The following TBC1D9 variants were observed in gnomAD, a reference collection of about 807,000 sequenced individuals.
The protein encoded by TBC1D9 is TBC1 domain family member 9A.
In TBC1D9, 63 loss-of-function variants were observed where a neutral mutation model predicts 132.0. That is an observed-to-expected ratio of 0.48 (90% CI 0.39 to 0.59). The LOEUF is 0.59. Ranked by LOEUF, TBC1D9 falls within the 20% of genes least tolerant of loss-of-function variation. TBC1D9 has a pLI of 0.00. For synonymous variants in TBC1D9, 610 were observed against 609.9 expected (o/e 1.00, Z 0.00); for missense variants, 1,261 against 1,592.7 (o/e 0.79, Z 3.54).
intron 1 of TBC1D9, among the ~76,000 whole-genome samples, chr4:140,732,691 T>TGTACCAAG (rs1329689077): frequency 2.6e-5 from 4 of 152,204 alleles, no homozygotes; most frequent in African/African-American, 9.6e-5. Flanking sequence ...CACAGCTGTC[T>TGTACCAAG]GTACCAAGGA....
chr4:140,702,005 GAGA>G (rs1319873286), intron 1 of TBC1D9, among the ~76,000 whole-genome samples: 2 of 152,214 alleles, frequency 1.3e-5, no homozygotes, highest in African/African-American at 4.8e-5. Flanking sequence ...TCATCAAGTG[GAGA>G]AGAAGGTCAG....
intron 3 of TBC1D9, among the ~76,000 whole-genome samples, chr4:140,685,688 T>G (rs1391741648): frequency 3.3e-5 from 5 of 152,186 alleles, no homozygotes; most frequent in African/African-American, 1.2e-4. Flanking sequence ...TAATGTTAAA[T>G]TTACATATAA....
intron 13 of TBC1D9, chr4:140,644,590 C>T (rs1248839543): frequency 9.3e-6 from 3 of 322,374 alleles, no homozygotes; most frequent in East Asian, 1.2e-4. Flanking sequence ...ACTTCTCCTC[C>T]ATCTCTGCCT....
At chr4:140,709,248 T>TCTCTCTCTCTCA (rs1382500714) in intron 1 of TBC1D9, among the ~76,000 whole-genome samples, 28 of 104,192 alleles carry the variant, frequency 2.7e-4, no homozygotes, top group African/African-American at 1.2e-3. Flanking sequence ...TCTCTCTCTC[T>TCTCTCTCTCTCA]CACACACACA....
Position 140,641,090 on chromosome 4 carries a change from C to CAAAAAAAAAAAAAAAAAAA in TBC1D9, c.2338-1663_2338-1662insTTTTTTTTTTTTTTTTTTT, listed in dbSNP as rs35813378. ...TAAATCTTACAATCATAATACTAAG[C>CAAAAAAAAAAAAAAAAAAA]AAAAAAAAAAAAAACAAAAAAAAAC... On this transcript the variant is annotated intron_variant, in intron 13 of 20. Transcript: ENST00000442267. Among the ~76,000 whole-genome samples the CAAAAAAAAAAAAAAAAAAA allele has an allele frequency of 2.6e-3, 91 of 35,006 alleles. 1 individual carries two copies. The highest frequency in any genetic ancestry group is 4.6e-3 in the East Asian group (5 of 1,092). The allele number at this position is 35,006 out of a possible 152,430, so 23.0% of individuals were successfully genotyped here.
At position 140,756,161 on chromosome 4, in the gene TBC1D9, TGCGGCG is replaced by T. The variant is rs1011715235; in HGVS notation, c.-122_-117del. The T allele has an allele frequency of 1.6e-5, 13 of 822,300 alleles. No individual in the cohort carries two copies. Among genetic ancestry groups the T allele is most frequent in the African/African-American group, 1.5e-4 (8 of 55,170 alleles). 50.9% of individuals were successfully genotyped at this position (822,300 alleles called of 1,614,324 possible). ...CGCGCCCGCCCGCCCGTCCGCTAGGTGCGGCGGCGGCGGCGGCAGGCGACTTCAGGG... is the reference window on the plus strand; with the variant it reads ...CGCGCCCGCCCGCCCGTCCGCTAGGTGCGGCGGCGGCAGGCGACTTCAGGG... On this transcript the variant is annotated 5_prime_UTR_variant, in exon 1 of 21. Coordinates refer to ENST00000442267, the MANE Select transcript of TBC1D9 (RefSeq NM_015130.3). The surrounding 1 kb of genome is among the most constrained non-coding windows in gnomAD (Gnocchi z 5.6).
At chr4:140,719,156 AAATAAAAG>A (rs1423754700) in intron 1 of TBC1D9, among the ~76,000 whole-genome samples, 17 of 130,954 alleles carry the variant, frequency 1.3e-4, no homozygotes, top group African/African-American at 3.4e-4. Flanking sequence ...ATAAATAAAT[AAATAAAAG>A]AAAGTGGATT....
intron 1 of TBC1D9, among the ~76,000 whole-genome samples, chr4:140,742,531 CAAAAAAA>C (rs35891616): frequency 1.6e-5 from 1 of 63,448 alleles, no homozygotes; most frequent in Non-Finnish European, 2.9e-5. Context: ...GACTCTGTCT[CAAAAAAA>C]AAAAAAAAAA....
At chr4:140,736,738 G>A (rs1236355393) in intron 1 of TBC1D9, among the ~76,000 whole-genome samples, 1 of 152,124 alleles carries the variant, frequency 6.6e-6, no homozygotes, top group African/African-American at 2.4e-5. Flanking sequence ...AGCAGAGTAT[G>A]ATCTGTAGGG....
At chr4:140,698,045 C>T (rs923733585) in intron 2 of TBC1D9, among the ~76,000 whole-genome samples, 24 of 152,168 alleles carry the variant, frequency 1.6e-4, no homozygotes, top group Admixed American at 1.4e-3. Context: ...GGTTTGGTGG[C>T]TCTCCCTAAC....
At chr4:140,741,955 T>C (rs1738764770) in intron 1 of TBC1D9, among the ~76,000 whole-genome samples, 1 of 152,190 alleles carries the variant, frequency 6.6e-6, no homozygotes, top group Admixed American at 6.5e-5. Context: ...TGAGTTGTCC[T>C]ACCTTTCCAG....
chr4:140,755,016 C>T (rs140193750), intron 1 of TBC1D9, among the ~76,000 whole-genome samples: 208 of 152,282 alleles, frequency 1.4e-3, no homozygotes, highest in Non-Finnish European at 2.5e-3. Flanking sequence ...TGAGGAGGGT[C>T]AAAGTTCATC....
At chr4:140,698,749 G>T (rs967691262) in intron 2 of TBC1D9, among the ~76,000 whole-genome samples, 8 of 151,016 alleles carry the variant, frequency 5.3e-5, no homozygotes, top group Non-Finnish European at 1.2e-4. Flanking sequence ...GGGGTGGGGG[G>T]GGGAAAGACA....
rs1737293443 is a variant in TBC1D9 at position 140,657,637 on chromosome 4, G to C, written c.2097C>G (p.Phe699Leu). ...GGAATATCACTTTAATTCCTTCATAGAAGAAACAGTCAACAACCACAACTG... is the reference window on the plus strand; with the variant it reads ...GGAATATCACTTTAATTCCTTCATACAAGAAACAGTCAACAACCACAACTG... ...ESAVVVVDCFFYEGIKVIFQL... is the reference protein window; with the variant it reads ...ESAVVVVDCFLYEGIKVIFQL... Residue 699 changes from phenylalanine (F) to leucine (L), a missense_variant, in exon 12 of 21, where the codon TTC (phenylalanine) becomes TTG (leucine). By Grantham distance (22) the Phe-to-Leu change is conservative. Around this residue, in one of 3 missense-constraint regions of TBC1D9, gnomAD observed 618 missense variants for 724.4 expected, o/e 0.85. Transcript: ENST00000442267. The C allele has an allele frequency of 6.2e-7, 1 of 1,613,960 alleles. No individual in the cohort carries two copies.
In TBC1D9 at chr4:140,701,564, C is replaced by T. The variant is rs779266798; in HGVS notation, c.181G>A (p.Ala61Thr). 5.0e-6 allele frequency: 8 copies of T among 1,613,788 alleles called. No homozygotes were observed. Among genetic ancestry groups the T allele is most frequent in the South Asian group, 2.2e-5 (2 of 91,078 alleles). The stretch of plus-strand genomic sequence containing the variant: ...GTCTGGTACAAGATTCGGTAAGGAG[C>T]GACCCGGGCGCTGGAGTCCAACACA... Reference protein sequence around the residue: ...DVVLDSSARVAPYRILYQTPD... With the variant: ...DVVLDSSARVTPYRILYQTPD... Residue 61 changes from alanine to threonine, a missense_variant, in exon 2 of 21, where the codon GCT becomes ACT. This residue lies in a region of TBC1D9 where 550 missense variants were observed against 699.0 expected (regional missense o/e 0.79). Coordinates refer to ENST00000442267, the MANE Select transcript of TBC1D9 (RefSeq NM_015130.3).
At chr4:140,728,642 C>G (rs1738536533) in intron 1 of TBC1D9, among the ~76,000 whole-genome samples, 1 of 151,878 alleles carries the variant, frequency 6.6e-6, no homozygotes, top group Non-Finnish European at 1.5e-5. Context: ...GCTGGGATTA[C>G]AGGTACGTGC....
intron 16 of TBC1D9, among the ~76,000 whole-genome samples, chr4:140,631,771 A>G (rs1736798139): frequency 1.3e-5 from 2 of 151,412 alleles, no homozygotes; most frequent in South Asian, 2.1e-4. Flanking sequence ...TAATTTTTGT[A>G]TTTTTAGTAG....
chr4:140,622,382 A>G lies in TBC1D9; in HGVS notation c.3614T>C (p.Leu1205Pro), dbSNP rs1050049916. ...GAAGGTGATGGCCCAGTCCCGGTCC[A>G]GGCTGGTGCTCCGGGGCAGTGCCGC... ...GTAALPRSTS[L>P]DRDWAITFEQ... Residue 1205 changes from leucine (L) to proline (P), a missense_variant, in exon 21 of 21, where the codon CTG (leucine) becomes CCG (proline). By Grantham distance (98) the Leu-to-Pro change is moderately conservative (BLOSUM62 -3). Around this residue, in one of 3 missense-constraint regions of TBC1D9, gnomAD observed 618 missense variants for 724.4 expected, o/e 0.85. Coordinates refer to ENST00000442267, the MANE Select transcript of TBC1D9 (RefSeq NM_015130.3). 2.5e-6 allele frequency: 4 copies of G among 1,612,948 alleles called. No homozygotes were observed. The African/African-American group carries it at 5.3e-5, about 22-fold the overall frequency.
At position 140,659,268 on chromosome 4, in the gene TBC1D9, A is replaced by AT. The variant is rs895931579; in HGVS notation, c.1921+319dup. ...TCGTAGGTTCCCATCCTCTTTATTA[A>AT]TTTTTTTTATCAAATCTCTTTGTGT... is the stretch of plus-strand genomic sequence containing the variant. On this transcript the variant is annotated intron_variant, in intron 11 of 20. Coordinates refer to ENST00000442267, the MANE Select transcript of TBC1D9 (RefSeq NM_015130.3). 2.6e-4 allele frequency: 48 copies of AT among 184,222 alleles called. 1 individual carries two copies. Among genetic ancestry groups the AT allele is most frequent in the Non-Finnish European group, 2.0e-4 (18 of 89,866 alleles). The allele number at this position is 184,222 out of a possible 1,614,324, so 11.4% of individuals were successfully genotyped here.
Sources: gnomAD v4.1 joint callset for allele counts (sites outside exome capture counted in the v4.1 genomes callset) on GRCh38, gnomAD v4.1.1 for gene constraint, gnomAD v4.1.1 regional missense constraint, Gnocchi (gnomAD v3.1) non-coding constraint, MANE v1.5 for transcripts, NCBI Gene and HGNC (gene_info 2026-07-23, HGNC 2026-07-21) for gene names.